NBAS: variants seen among roughly 807,000 people sequenced by gnomAD.
The protein encoded by NBAS is NBAS subunit of NRZ tethering complex.
Under a neutral mutation model 302.5 loss-of-function variants are expected in NBAS, and 219 were observed. The observed-to-expected ratio is 0.72, with a 90% CI of 0.65 to 0.81. The LOEUF is 0.81. Among genes scored for constraint, NBAS ranks in the 30% least tolerant of loss-of-function variants. The pLI, the probability that NBAS is intolerant of heterozygous loss-of-function variation, is 0.00. For missense variants in NBAS, 2,932 were observed against 2,841.6 expected, an observed-to-expected ratio of 1.03 and a Z score of -0.72; for synonymous variants, 1,118 against 1,021.6, an observed-to-expected ratio of 1.09 and a Z score of -1.80.
the NBAS span, among the ~76,000 whole-genome samples, chr2:14,895,852 A>C: frequency 1.3e-5 from 2 of 152,118 alleles, no homozygotes; most frequent in Non-Finnish European, 2.9e-5. Flanking sequence ...TCAAAAGGGG[A>C]GAGGGAAGAT....
intron 35 of NBAS, among the ~76,000 whole-genome samples, chr2:15,347,832 T>G (rs1295643764): frequency 6.6e-6 from 1 of 152,206 alleles, no homozygotes; most frequent in Non-Finnish European, 1.5e-5. Flanking sequence ...ATTCACAAAT[T>G]ATGCATTTTG....
intron 44 of NBAS, among the ~76,000 whole-genome samples, chr2:15,257,629 G>A (rs1364507862): frequency 6.6e-6 from 1 of 152,084 alleles, no homozygotes; most frequent in Non-Finnish European, 1.5e-5. Context: ...CTGACCTCAG[G>A]TGATCTGCCC....
chr2:15,094,378 A>G, the NBAS span, among the ~76,000 whole-genome samples: 13 of 152,364 alleles, frequency 8.5e-5, no homozygotes, highest in Admixed American at 7.2e-4. Flanking sequence ...TGGTAATAAT[A>G]GTGTTTGTTA....
Position 15,417,673 on chromosome 2 carries a change from G to C in NBAS, c.2617C>G (p.Arg873Gly), listed in dbSNP as rs897487519. The change falls in exon 24 of 52, where the codon CGG (arginine) becomes GGG (glycine). Residue 873 changes from arginine to glycine, a missense_variant. Arg to Gly is a moderately radical substitution (Grantham distance 125). Coordinates refer to ENST00000281513, the MANE Select transcript of NBAS (RefSeq NM_015909.4). ...ALSLIRLGME[R>G]NIPGLLVLCD... is the part of the protein sequence containing the mutation. ...AGAACCAGCAAACCAGGAATATTCC[G>C]CTCCATCCCAAGTCGAATAAGTGAC... The C allele has an allele frequency of 6.2e-7, 1 of 1,613,806 alleles. No homozygotes were observed. The highest frequency in any genetic ancestry group is 8.5e-7 in the Non-Finnish European group (1 of 1,179,936).
chr2:14,949,925 A>G, the NBAS span, among the ~76,000 whole-genome samples: 12 of 152,304 alleles, frequency 7.9e-5, no homozygotes, highest in South Asian at 1.2e-3. Context: ...AGAGAAGTTG[A>G]TTAATTGGTA....
At chr2:15,119,303 CTTTTTTTTTT>C in the NBAS span, among the ~76,000 whole-genome samples, 3 of 107,768 alleles carry the variant, frequency 2.8e-5, no homozygotes, top group African/African-American at 6.5e-5. Context: ...GAAATCCTTT[CTTTTTTTTTT>C]TTTTTTTTTT....
intron 21 of NBAS, among the ~76,000 whole-genome samples, chr2:15,440,342 G>C (rs982958461): frequency 6.6e-6 from 1 of 152,162 alleles, no homozygotes; most frequent in East Asian, 1.9e-4. Context: ...AGCAGCATTC[G>C]CGGTTCACGA....
the NBAS span, among the ~76,000 whole-genome samples, chr2:15,072,494 T>A: frequency 4.6e-5 from 7 of 151,904 alleles, no homozygotes; most frequent in Admixed American, 3.9e-4. Context: ...TGAAGATTTT[T>A]AAAAAAATTT....
rs1222594800 is a variant in NBAS, at chr2:15,292,721, G to T, written c.4843C>A (p.Arg1615=). 2.5e-6 allele frequency: 4 copies of T among 1,613,998 alleles called. No individual in the cohort carries two copies. Among genetic ancestry groups the T allele is most frequent in the Non-Finnish European group, 3.4e-6 (4 of 1,180,026 alleles). ...TCAGGCCAGGCTTCGTGCTCATGTC[G>T]AGTCACATGCCTGGTGACCATCTTG... is the stretch of plus-strand genomic sequence containing the variant. ...LIKMVTRHVT[R]HEHEAWPEDL... is the part of the protein sequence containing the mutation. Residue 1615 remains arginine (R), a synonymous_variant, in exon 41 of 52, where the codon CGA becomes AGA. Transcript: ENST00000281513.
the NBAS span, among the ~76,000 whole-genome samples, chr2:14,962,460 G>C: frequency 6.6e-6 from 1 of 152,118 alleles, no homozygotes. Context: ...AAGCTGTAAA[G>C]AATCTACCCA....
At chr2:14,912,669 T>G in the NBAS span, among the ~76,000 whole-genome samples, 2 of 148,776 alleles carry the variant, frequency 1.3e-5, no homozygotes, top group Non-Finnish European at 3.0e-5. Context: ...TTTCTCTAGG[T>G]ATGTTGTGAA....
chr2:15,503,714 C>T (rs1661695939), intron 11 of NBAS, among the ~76,000 whole-genome samples: 1 of 152,118 alleles, frequency 6.6e-6, no homozygotes, highest in African/African-American at 2.4e-5. Flanking sequence ...GGTCAGGAGG[C>T]ACATTTCTTC....
chr2:14,797,922 A>C, the NBAS span, among the ~76,000 whole-genome samples: 1 of 152,176 alleles, frequency 6.6e-6, no homozygotes, highest in Non-Finnish European at 1.5e-5. Flanking sequence ...ATATATAGGA[A>C]TATATTAATT....
At chr2:15,088,947 C>A in the NBAS span, among the ~76,000 whole-genome samples, 5 of 152,150 alleles carry the variant, frequency 3.3e-5, no homozygotes, top group African/African-American at 1.2e-4. Flanking sequence ...TGGATTTACA[C>A]AGTAAGCACC....
chr2:15,149,111 A>G, the NBAS span, among the ~76,000 whole-genome samples: 1 of 152,238 alleles, frequency 6.6e-6, no homozygotes, highest in Non-Finnish European at 1.5e-5. Flanking sequence ...CCTCAATGTA[A>G]CGGTGTTGAG....
At chr2:15,129,022 A>AGTGCCCATGGGCGGGCCCTGC in the NBAS span, among the ~76,000 whole-genome samples, 13 of 152,176 alleles carry the variant, frequency 8.5e-5, no homozygotes, top group Non-Finnish European at 1.8e-4. Flanking sequence ...GCGGGCCCTG[A>AGTGCCCATGGGCGGGCCCTGC]GTGCCCATGG....
the NBAS span, among the ~76,000 whole-genome samples, chr2:14,827,235 T>A: frequency 6.6e-6 from 1 of 152,212 alleles, no homozygotes; most frequent in South Asian, 2.1e-4. Flanking sequence ...CTTACTCACA[T>A]TGTGAGTGGT....
the NBAS span, among the ~76,000 whole-genome samples, chr2:15,024,414 T>C: frequency 6.6e-6 from 1 of 152,170 alleles, no homozygotes; most frequent in Non-Finnish European, 1.5e-5. Context: ...TCTTTGTGAA[T>C]AGTGCTGCAA....
chr2:14,998,705 G>A, the NBAS span, among the ~76,000 whole-genome samples: 2 of 152,118 alleles, frequency 1.3e-5, no homozygotes, highest in South Asian at 4.1e-4. Flanking sequence ...TATGTTAAAT[G>A]TGTCTCACAT....
Sources: allele counts gnomAD v4.1 joint callset (sites outside exome capture counted in the v4.1 genomes callset), GRCh38; gene constraint gnomAD v4.1.1; transcripts MANE v1.5; gene names NCBI Gene and HGNC (gene_info 2026-07-23, HGNC 2026-07-21).